The following DCAF8L2 variants were observed in gnomAD, a reference collection of about 807,000 sequenced individuals.
DCAF8L2 encodes the protein DDB1- and CUL4-associated factor 8-like protein 2.
For missense variants in DCAF8L2, 430 were observed against 490.7 expected, an observed-to-expected ratio of 0.88 and a Z score of 1.17; for synonymous variants, 200 against 190.9, an observed-to-expected ratio of 1.05 and a Z score of -0.39.
the DCAF8L2 span, among the ~76,000 whole-genome samples, chrX:27,497,458 C>T: frequency 9.1e-6 from 1 of 110,174 alleles, no homozygotes; most frequent in African/African-American, 3.4e-5. Context: ...CTCCCCATTT[C>T]CCCATTTCCC....
intron 3 of DCAF8L2, among the ~76,000 whole-genome samples, chrX:27,683,223 T>A (rs1930386924): frequency 8.9e-6 from 1 of 111,755 alleles, no homozygotes; most frequent in South Asian, 3.8e-4. Flanking sequence ...AATTTGCCGG[T>A]GGTCACTGTT....
chrX:27,711,007 A>G (rs1299921589), intron 3 of DCAF8L2, among the ~76,000 whole-genome samples: 1 of 112,186 alleles, frequency 8.9e-6, no homozygotes, highest in Non-Finnish European at 1.9e-5. Flanking sequence ...ATGACAAAAT[A>G]TACACCTACT....
chrX:27,686,517 C>T (rs1433586461), intron 3 of DCAF8L2, among the ~76,000 whole-genome samples: 1 of 108,996 alleles, frequency 9.2e-6, no homozygotes, highest in Non-Finnish European at 1.9e-5. Context: ...TATGTAGGAG[C>T]TAAAAAAAAA....
At chrX:27,681,611 G>A (rs758338545) in intron 3 of DCAF8L2, among the ~76,000 whole-genome samples, 2 of 111,870 alleles carry the variant, frequency 1.8e-5, no homozygotes, top group East Asian at 5.6e-4. Context: ...AATACATTTT[G>A]CTTAAGAGCT....
rs72623781 is a variant in DCAF8L2 at position 27,703,524 on chromosome X, A to G, written c.-142-12564A>G. ...ACTGAGAGCTCAGAAATAAACCCTT[A>G]CTTTATGGTCAATTTATTTTTGGTC... On this transcript the variant is annotated intron_variant, in intron 3 of 4. Coordinates refer to ENST00000451261, the MANE Select transcript of DCAF8L2 (RefSeq NM_001353450.2). 7.0e-3 allele frequency among the ~76,000 whole-genome samples: 785 copies of G among 111,664 alleles called. 20 individuals are homozygous for G. The East Asian group carries it at 0.11, about 16-fold the overall frequency.
chrX:27,663,627 CT>C (rs771869308), intron 2 of DCAF8L2, among the ~76,000 whole-genome samples: 473 of 110,113 alleles, frequency 4.3e-3, no homozygotes, highest in African/African-American at 0.015. Flanking sequence ...GCTTTTCCCC[CT>C]ATCTCCCTCT....
At chrX:27,697,405 G>T (rs1244000992) in intron 3 of DCAF8L2, among the ~76,000 whole-genome samples, 1 of 111,248 alleles carries the variant, frequency 9.0e-6, no homozygotes, top group African/African-American at 3.3e-5. Context: ...AAATGAGAAT[G>T]ATGTCCAATA....
chrX:27,606,382 T>TATATATATATATATATATATA (rs1358332870), intron 1 of DCAF8L2, among the ~76,000 whole-genome samples: 68 of 80,985 alleles, frequency 8.4e-4, no homozygotes, highest in African/African-American at 1.7e-3. Flanking sequence ...TATATATATA[T>TATATATATATATATATATATA]TCTTTTGAGA....
At chrX:27,570,714 C>CG in the DCAF8L2 span, among the ~76,000 whole-genome samples, 1 of 111,692 alleles carries the variant, frequency 9.0e-6, no homozygotes, top group Non-Finnish European at 1.9e-5. Context: ...GCAGCCTATT[C>CG]GGGGCAGCTC....
At chrX:27,723,908 C>T (rs987978824) in intron 4 of DCAF8L2, among the ~76,000 whole-genome samples, 1 of 109,796 alleles carries the variant, frequency 9.1e-6, no homozygotes, top group Admixed American at 9.8e-5. Flanking sequence ...CGTTTATGTA[C>T]CAAGATAGAG....
At chrX:27,646,610 G>A (rs1928946835) in intron 2 of DCAF8L2, among the ~76,000 whole-genome samples, 1 of 111,520 alleles carries the variant, frequency 9.0e-6, no homozygotes, top group African/African-American at 3.3e-5. Flanking sequence ...AGTATCGTCA[G>A]AGTGAACAGA....
intron 4 of DCAF8L2, among the ~76,000 whole-genome samples, chrX:27,732,671 C>T (rs1173153846): frequency 1.8e-5 from 2 of 111,091 alleles, no homozygotes; most frequent in Non-Finnish European, 3.8e-5. Context: ...ATCTTGGATA[C>T]TATGAAAAAT....
chrX:27,744,217 A>C (rs181869950), intron 4 of DCAF8L2, among the ~76,000 whole-genome samples: 1 of 111,526 alleles, frequency 9.0e-6, no homozygotes, highest in African/African-American at 3.3e-5. Context: ...CTGTGTGTTT[A>C]GGTGTATCTG....
At chrX:27,633,230 A>T (rs901407465) in intron 2 of DCAF8L2, 5 of 112,077 alleles carry the variant, frequency 4.5e-5, no homozygotes, top group Non-Finnish European at 9.4e-5. Flanking sequence ...GTGATATAAA[A>T]TCCTAGATGT....
chrX:27,586,694 G>T (rs1031026926), upstream of DCAF8L2, among the ~76,000 whole-genome samples: 80 of 111,036 alleles, frequency 7.2e-4, no homozygotes, highest in African/African-American at 2.5e-3. Context: ...ATTATTTGTG[G>T]TTTTATTCTC....
chrX:27,687,978 T>C, intron 3 of DCAF8L2, among the ~76,000 whole-genome samples: 1 of 112,144 alleles, frequency 8.9e-6, no homozygotes, highest in Non-Finnish European at 1.9e-5. Context: ...TTTTTTTAAA[T>C]ACTGAAAGGG....
At chrX:27,473,928 C>G in the DCAF8L2 span, among the ~76,000 whole-genome samples, 1 of 110,679 alleles carries the variant, frequency 9.0e-6, no homozygotes, top group Admixed American at 9.7e-5. Context: ...TTATGGGAGT[C>G]TTTGCCATTT....
chrX:27,660,654 T>C (rs1305808616), intron 2 of DCAF8L2, among the ~76,000 whole-genome samples: 3 of 112,026 alleles, frequency 2.7e-5, no homozygotes, highest in African/African-American at 9.7e-5. Flanking sequence ...GCACTGGTGA[T>C]GGAGGGATTG....
the DCAF8L2 span, chrX:27,519,216 T>C: frequency 3.8e-6 from 4 of 1,044,071 alleles, no homozygotes; most frequent in South Asian, 1.9e-5. Flanking sequence ...TAAGACAGAT[T>C]GAAGAACGGA....
Sources: allele counts gnomAD v4.1 joint callset (sites outside exome capture counted in the v4.1 genomes callset), GRCh38; gene constraint gnomAD v4.1.1; transcripts MANE v1.5; gene names NCBI Gene and HGNC (gene_info 2026-07-23, HGNC 2026-07-21).